DNAAF3: variants seen among roughly 807,000 people sequenced by gnomAD.
DNAAF3 encodes UPF0470 protein C19orf51.
In DNAAF3, 40 loss-of-function variants were observed where a neutral mutation model predicts 50.9. That is an observed-to-expected ratio of 0.79 (90% CI 0.61 to 1.02). The LOEUF is 1.02. DNAAF3 is among the 50% of genes least tolerant of loss of function. The probability of loss-of-function intolerance (pLI) is 0.00; values close to 1 mark genes in which losing one functional copy is unlikely to be tolerated. For missense variants in DNAAF3, 763 were observed against 744.7 expected (o/e 1.02, Z -0.29); for synonymous variants, 327 against 322.8 (o/e 1.01, Z -0.14).
intron 10 of DNAAF3, 48 bp downstream of exon 10, chr19:55,159,850 TG>T: frequency 1.9e-6 from 3 of 1,593,008 alleles, no homozygotes; most frequent in Non-Finnish European, 2.6e-6. Context: ...GAGGAGGGGC[TG>T]GGGGCCTGAT....
At chr19:55,163,581 C>T (rs984544478) in intron 4 of DNAAF3, among the ~76,000 whole-genome samples, 9 of 152,128 alleles carry the variant, frequency 5.9e-5, no homozygotes, top group Admixed American at 1.3e-4. Flanking sequence ...CGTGAGCCAC[C>T]GCCCCTGGCA....
intron 4 of DNAAF3, among the ~76,000 whole-genome samples, chr19:55,163,360 G>C (rs372024109): frequency 1.6e-5 from 2 of 128,166 alleles, no homozygotes; most frequent in African/African-American, 3.1e-5. Flanking sequence ...GGGTTTCACC[G>C]TGTTAGCCAG....
intron 4 of DNAAF3, 59 bp from the exon 5 acceptor site, chr19:55,162,349 C>T (rs2085852922): frequency 1.6e-6 from 2 of 1,242,586 alleles, no homozygotes; most frequent in Admixed American, 4.2e-5. Flanking sequence ...AGAAATTACA[C>T]CCTTAATATG....
chr19:55,161,130 C>T lies in DNAAF3; in HGVS notation c.847G>A (p.Val283Met), dbSNP rs1039202842. ...YWGDIATGPF[V>M]AFGIEADDES... ...TCGTCCGCTTCGATGCCGAAGGCCA[C>T]GAAGGGCCCCGTGGCGATGTCCCCC... The change falls in exon 8 of 12, where the codon GTG becomes ATG. Residue 283 changes from valine to methionine, a missense_variant. Val to Met is a conservative substitution (Grantham distance 21). Coordinates refer to ENST00000524407, the MANE Select transcript of DNAAF3 (RefSeq NM_001256715.2). This position sits in a 1 kb window ranked among gnomAD's most constrained non-coding sequence, Gnocchi z 6.4. 90 of 1,548,942 alleles carry T rather than the reference C, an allele frequency of 5.8e-5. No individual in the cohort carries two copies. Among genetic ancestry groups the T allele is most frequent in the Middle Eastern group, 1.8e-4 (1 of 5,456 alleles).
chr19:55,165,805 C>T (rs772415962), intron 3 of DNAAF3, 53 bp downstream of exon 3: 1 of 1,586,184 alleles, frequency 6.3e-7, no homozygotes, highest in Non-Finnish European at 8.6e-7. Context: ...ATTTCAATCC[C>T]TTCCTCCCTC....
chr19:55,165,032 T>C (rs1259689411), intron 4 of DNAAF3, among the ~76,000 whole-genome samples: 1 of 138,694 alleles, frequency 7.2e-6, no homozygotes, highest in Non-Finnish European at 1.6e-5. Context: ...TTTTTTTTTT[T>C]TTTTTTTTTT....
At chr19:55,166,669 G>T (rs2085945277), upstream of DNAAF3, 3 of 1,603,540 alleles carry the variant, frequency 1.9e-6, no homozygotes, top group African/African-American at 1.3e-5. The surrounding 1 kb of genome is among the most constrained non-coding windows in gnomAD (Gnocchi z 4.0). Context: ...ACCACAGCGA[G>T]CAACTGACCA....
chr19:55,162,972 TTTTA>T (rs978976021), intron 4 of DNAAF3, among the ~76,000 whole-genome samples: 1 of 150,132 alleles, frequency 6.7e-6, no homozygotes, highest in African/African-American at 2.5e-5. Flanking sequence ...CCAGCTAATG[TTTTA>T]TTTCTTTTTC....
Position 55,160,806 on chromosome 19 carries a change from G to T in DNAAF3, c.913-31C>A, listed in dbSNP as rs754142960. 1.9e-6 allele frequency: 3 copies of T among 1,597,774 alleles called. No individual in the cohort carries two copies. The highest frequency in any genetic ancestry group is 2.2e-5 in the South Asian group (2 of 90,806). ...AGTAGAAGGGGCGTGGCCAGACGTC[G>T]GGGCCAGGATGGCGGGGCGGGGCTT... On this transcript the variant is annotated intron_variant, in intron 8 of 11. Coordinates refer to ENST00000524407, the MANE Select transcript of DNAAF3 (RefSeq NM_001256715.2). This position sits in a 1 kb window ranked among gnomAD's most constrained non-coding sequence, Gnocchi z 4.7.
In DNAAF3 at chr19:55,160,701, G is replaced by A; in HGVS notation, c.987C>T (p.Ala329=). 6.2e-7 allele frequency: 1 copy of A among 1,613,600 alleles called. No homozygotes were observed. Among genetic ancestry groups the A allele is most frequent in the East Asian group, 2.2e-5 (1 of 44,842 alleles). Residue 329 remains alanine, a synonymous_variant, in exon 9 of 12, where the codon GCC becomes GCT. Transcript: ENST00000524407. This position sits in a 1 kb window ranked among gnomAD's most constrained non-coding sequence, Gnocchi z 4.7. ...RDVAAWGRAR[A]TGGDLEEQQH... Reference sequence around the variant, plus strand: ...GCTGCTCCTCCAGGTCCCCCCCGGTGGCTCTCGCGCGCCCCCAGGCGGCCA... The same window carrying A: ...GCTGCTCCTCCAGGTCCCCCCCGGTAGCTCTCGCGCGCCCCCAGGCGGCCA...
intron 10 of DNAAF3, 145 bp downstream of exon 10, chr19:55,159,754 C>T: frequency 2.8e-6 from 4 of 1,420,422 alleles, no homozygotes; most frequent in Non-Finnish European, 3.6e-6. Context: ...GTCTGGACTC[C>T]TGGGTCTGAG....
chr19:55,161,024 C>G lies in DNAAF3; in HGVS notation c.912+41G>C. 1 of 1,507,028 alleles carries G rather than the reference C, an allele frequency of 6.6e-7. No individual in the cohort carries two copies. The highest frequency in any genetic ancestry group is 8.9e-7 in the Non-Finnish European group (1 of 1,128,012). 93.4% of individuals were successfully genotyped at this position (1,507,028 alleles called of 1,614,324 possible). On this transcript the variant is annotated intron_variant, in intron 8 of 11. Coordinates refer to ENST00000524407, the MANE Select transcript of DNAAF3 (RefSeq NM_001256715.2). This position sits in a 1 kb window ranked among gnomAD's most constrained non-coding sequence, Gnocchi z 6.4. ...CGGGGCCTTGCGCACCCACCGACCCCCAGCCCCACCTCTACCCCCAGTCCC... is the reference window on the plus strand; with the variant it reads ...CGGGGCCTTGCGCACCCACCGACCCGCAGCCCCACCTCTACCCCCAGTCCC...
chr19:55,164,744 C>T (rs575904448), intron 4 of DNAAF3, among the ~76,000 whole-genome samples: 2 of 152,120 alleles, frequency 1.3e-5, no homozygotes, highest in Admixed American at 6.5e-5. Context: ...AGGATGGTCT[C>T]GATCTCCTGA....
rs768252759 is a variant in DNAAF3, at chr19:55,159,017, A to C, written c.*45T>G. On this transcript the variant is annotated 3_prime_UTR_variant, in exon 12 of 12. Transcript: ENST00000524407. ...TGGTATCAGCGGGTTCTCATCCTAC[A>C]ACCTGACTTTGGAAGTTGGAGATAA... 3.3e-6 allele frequency: 5 copies of C among 1,529,128 alleles called. No homozygotes were observed. In the Admixed American group the frequency reaches 8.6e-5, roughly 26 times the overall value. 94.7% of individuals were successfully genotyped at this position (1,529,128 alleles called of 1,614,324 possible).
chr19:55,160,657 G>C lies in DNAAF3; in HGVS notation c.1031C>G (p.Pro344Arg), dbSNP rs543007128. Residue 344 changes from proline to arginine, a missense_variant, in exon 9 of 12, where the codon CCG (proline) becomes CGG (arginine). Physicochemically the swap from Pro to Arg is moderately radical, Grantham distance 103. Coordinates refer to ENST00000524407, the MANE Select transcript of DNAAF3 (RefSeq NM_001256715.2). The surrounding 1 kb of genome is among the most constrained non-coding windows in gnomAD (Gnocchi z 4.7). ...LEEQQHAEGSPEPGTPAAPTP... is the reference protein window; with the variant it reads ...LEEQQHAEGSREPGTPAAPTP... ...TGGCTTACCTGGAGTCCCTGGCTCC[G>C]GGCTTCCCTCCGCGTGCTGCTGCTC... The C allele has an allele frequency of 2.6e-5, 42 of 1,613,868 alleles. No individual in the cohort carries two copies. The East Asian group carries it at 9.1e-4, about 35-fold the overall frequency.
chr19:55,163,159 G>A lies in DNAAF3; in HGVS notation c.323-869C>T, dbSNP rs868805508. Among the ~76,000 whole-genome samples, 17 of 151,520 alleles carry A rather than the reference G, an allele frequency of 1.1e-4. No individual in the cohort carries two copies. The South Asian group carries it at 2.5e-3, about 22-fold the overall frequency. On this transcript the variant is annotated intron_variant, in intron 4 of 11. Coordinates refer to ENST00000524407, the MANE Select transcript of DNAAF3 (RefSeq NM_001256715.2). ...GGAGTAGCTGGGACTACAAGCGCCCGCCACCACACCCGGCTAATTTTTTGT... is the reference window on the plus strand; with the variant it reads ...GGAGTAGCTGGGACTACAAGCGCCCACCACCACACCCGGCTAATTTTTTGT...
chr19:55,161,122 G>A lies in DNAAF3; in HGVS notation c.855C>T (p.Phe285=), dbSNP rs1011857328. Residue 285 remains phenylalanine, a synonymous_variant, in exon 8 of 12, where the codon TTC becomes TTT. Transcript: ENST00000524407. This position sits in a 1 kb window ranked among gnomAD's most constrained non-coding sequence, Gnocchi z 6.4. ...GDIATGPFVA[F]GIEADDESLL... ...GGCTCTCGTCGTCCGCTTCGATGCC[G>A]AAGGCCACGAAGGGCCCCGTGGCGA... is the stretch of plus-strand genomic sequence containing the variant. 7 of 1,547,262 alleles carry A rather than the reference G, an allele frequency of 4.5e-6. No individual in the cohort carries two copies. The African/African-American group carries it at 6.9e-5, about 15-fold the overall frequency.
In DNAAF3 at chr19:55,166,385, C is replaced by T. The variant is rs765091188; in HGVS notation, c.29G>A (p.Gly10Asp). The T allele has an allele frequency of 1.9e-6, 3 of 1,613,894 alleles. No homozygotes were observed. The East Asian group carries it at 6.7e-5, about 36-fold the overall frequency. Residue 10 changes from glycine to aspartate, a missense_variant, in exon 2 of 12, where the codon GGC (glycine) becomes GAC (aspartate). Gly to Asp is a moderately conservative substitution (Grantham distance 94). Coordinates refer to ENST00000524407, the MANE Select transcript of DNAAF3 (RefSeq NM_001256715.2). The surrounding 1 kb of genome is among the most constrained non-coding windows in gnomAD (Gnocchi z 4.0). MTTPAGSGS[G>D]FGSVSWWGLS... ...GCCCCACCAGGACACGGAGCCGAAG[C>T]CGCTGCCGGAGCCGGCAGGTGTGGT...
intron 3 of DNAAF3, 185 bp downstream of exon 3, chr19:55,165,673 A>G (rs909182006): frequency 3.9e-5 from 43 of 1,101,268 alleles, no homozygotes; most frequent in Non-Finnish European, 5.1e-5. Flanking sequence ...CCACTATAGA[A>G]CCCAGGAGTT....
Sources: allele counts gnomAD v4.1 joint callset (sites outside exome capture counted in the v4.1 genomes callset), GRCh38; gene constraint gnomAD v4.1.1; non-coding constraint Gnocchi (gnomAD v3.1); transcripts MANE v1.5; gene names NCBI Gene and HGNC (gene_info 2026-07-23, HGNC 2026-07-21).